FBLN2: variants seen among roughly 807,000 people sequenced by gnomAD.
The protein encoded by FBLN2 is fibulin-2.
A neutral mutation model predicts 123.7 loss-of-function variants in FBLN2; 81 were observed. That is an observed-to-expected ratio of 0.65 (90% CI 0.55 to 0.79). FBLN2 has a LOEUF of 0.79. Ranked by LOEUF, FBLN2 falls within the 30% of genes least tolerant of loss-of-function variation. The pLI is 0.00. For missense variants in FBLN2, 1,603 were observed against 1,681.3 expected (o/e 0.95, Z 0.81); for synonymous variants, 699 against 701.4 (o/e 1.00, Z 0.05).
chr3:13,617,488 G>A (rs570432499), intron 5 of FBLN2, among the ~76,000 whole-genome samples: 73 of 131,838 alleles, frequency 5.5e-4, no homozygotes, highest in African/African-American at 1.1e-3. Flanking sequence ...TCATTCATCC[G>A]TCTACCCATG....
In FBLN2 at chr3:13,629,160, A is replaced by G. The variant is rs779594797; in HGVS notation, c.2714-4A>G. 6.2e-7 allele frequency: 1 copy of G among 1,612,776 alleles called. No individual in the cohort carries two copies. Among genetic ancestry groups the G allele is most frequent in the Non-Finnish European group, 8.5e-7 (1 of 1,179,534 alleles). On this transcript the variant is annotated splice_region_variant and splice_polypyrimidine_tract_variant and intron_variant, in intron 12 of 17. Transcript: ENST00000404922. ...CCTCAAGGTACCCTGCTCACCCCCCACAGACGTGAATGAGTGTGAGACAGG... is the reference window on the plus strand; with the variant it reads ...CCTCAAGGTACCCTGCTCACCCCCCGCAGACGTGAATGAGTGTGAGACAGG...
chr3:13,604,986 T>A (rs1482031725), intron 2 of FBLN2, among the ~76,000 whole-genome samples: 1 of 152,184 alleles, frequency 6.6e-6, no homozygotes, highest in Admixed American at 6.5e-5. Context: ...TTAGAGGGCT[T>A]TGTGGGCCTT....
chr3:13,587,329 A>G (rs1405047126), intron 2 of FBLN2, among the ~76,000 whole-genome samples: 2 of 152,122 alleles, frequency 1.3e-5, no homozygotes, highest in Non-Finnish European at 2.9e-5. Context: ...AGCTAAGAGG[A>G]ATTTATTATT....
intron 1 of FBLN2, among the ~76,000 whole-genome samples, chr3:13,551,835 C>T (rs957865010): frequency 1.5e-4 from 20 of 134,770 alleles, no homozygotes; most frequent in African/African-American, 5.1e-4. Context: ...CCACCGTGCC[C>T]GGCCCCTCCT....
In FBLN2 at chr3:13,549,127, A is replaced by G. The variant is rs1312450996; in HGVS notation, c.-123A>G. The G allele has an allele frequency of 1.1e-5, 11 of 982,244 alleles. No homozygotes were observed. Among genetic ancestry groups the G allele is most frequent in the African/African-American group, 1.8e-5 (1 of 56,784 alleles). 60.8% of individuals were successfully genotyped at this position (982,244 alleles called of 1,614,324 possible). ...CGCGCCTCCGCCCCGCCCCGCGCGC[A>G]CACAGCCAGGGGCCGCCCGGGCTCT... On this transcript the variant is annotated 5_prime_UTR_variant, in exon 1 of 18. Coordinates refer to ENST00000404922, the MANE Select transcript of FBLN2 (RefSeq NM_001004019.2).
At chr3:13,593,626 A>T (rs1393025082) in intron 2 of FBLN2, among the ~76,000 whole-genome samples, 1 of 149,578 alleles carries the variant, frequency 6.7e-6, no homozygotes, top group East Asian at 2.0e-4. Context: ...AGGCGGGAGA[A>T]TTGCTTGAAC....
chr3:13,584,850 C>T (rs936087771), intron 2 of FBLN2, among the ~76,000 whole-genome samples: 17 of 152,174 alleles, frequency 1.1e-4, no homozygotes, highest in Non-Finnish European at 1.9e-4. Flanking sequence ...CATGCTCACA[C>T]GGGAGGAGTT....
At chr3:13,594,787 C>T (rs1032640680) in intron 2 of FBLN2, among the ~76,000 whole-genome samples, 1 of 152,186 alleles carries the variant, frequency 6.6e-6, no homozygotes, top group Non-Finnish European at 1.5e-5. Context: ...CCCGGGCTCC[C>T]AGGTCCAGAC....
intron 17 of FBLN2, among the ~76,000 whole-genome samples, chr3:13,637,336 A>G (rs1485686751): frequency 6.6e-6 from 1 of 152,232 alleles, no homozygotes; most frequent in African/African-American, 2.4e-5. Flanking sequence ...GGCCAGTGCC[A>G]TGCTAAACTC....
rs1042470157 is a variant in FBLN2, at chr3:13,575,874, C to T, written c.1306+4213C>T. ...CCCACCACCTCCCACCACCAGGTCCCGCCTGTGACCTGGTGCTGCTAGCCA... is the reference window on the plus strand; with the variant it reads ...CCCACCACCTCCCACCACCAGGTCCTGCCTGTGACCTGGTGCTGCTAGCCA... On this transcript the variant is annotated intron_variant, in intron 2 of 17. Coordinates refer to ENST00000404922, the MANE Select transcript of FBLN2 (RefSeq NM_001004019.2). Among the ~76,000 whole-genome samples, 11 of 152,224 alleles carry T rather than the reference C, an allele frequency of 7.2e-5. No homozygotes were observed. The East Asian group carries it at 9.6e-4, about 13-fold the overall frequency.
At chr3:13,620,985 G>A (rs114813127) in intron 8 of FBLN2, among the ~76,000 whole-genome samples, 139 of 152,324 alleles carry the variant, frequency 9.1e-4, no homozygotes, top group African/African-American at 2.8e-3. Flanking sequence ...TCTGGGCCCC[G>A]CCCCCCATCT....
chr3:13,626,310 C>T, intron 9 of FBLN2, 135 bp from the exon 10 acceptor site: 1 of 849,792 alleles, frequency 1.2e-6, no homozygotes, highest in Non-Finnish European at 1.7e-6. Flanking sequence ...AGACATCAGC[C>T]ACATCTCCGA....
intron 4 of FBLN2, among the ~76,000 whole-genome samples, chr3:13,611,166 C>T (rs1368695086): frequency 6.6e-6 from 1 of 152,084 alleles, no homozygotes; most frequent in Non-Finnish European, 1.5e-5. Flanking sequence ...AGGTTGGTCT[C>T]GAACTCCTGA....
At chr3:13,636,730 C>G (rs1706486278) in intron 17 of FBLN2, among the ~76,000 whole-genome samples, 162 bp downstream of exon 17, 1 of 152,172 alleles carries the variant, frequency 6.6e-6, no homozygotes, top group South Asian at 2.1e-4. Flanking sequence ...ATATAAGTAG[C>G]TTTTAGAGAG....
At chr3:13,618,442 G>A (rs1705712131) in intron 6 of FBLN2, among the ~76,000 whole-genome samples, 157 bp downstream of exon 6, 1 of 152,220 alleles carries the variant, frequency 6.6e-6, no homozygotes, top group Non-Finnish European at 1.5e-5. Flanking sequence ...TGGGGGATTT[G>A]TGAGGCAGGA....
chr3:13,594,336 C>T (rs996153256), intron 2 of FBLN2, among the ~76,000 whole-genome samples: 2 of 152,050 alleles, frequency 1.3e-5, no homozygotes, highest in African/African-American at 4.8e-5. Context: ...CTATGATGGG[C>T]TTCTCTCTGG....
chr3:13,595,476 T>TA (rs569692084), intron 2 of FBLN2, among the ~76,000 whole-genome samples: 20 of 151,380 alleles, frequency 1.3e-4, no homozygotes, highest in Middle Eastern at 3.5e-3. Flanking sequence ...ACAGTCCTCA[T>TA]AAAAAAAAAC....
chr3:13,560,820 CTCTG>C (rs1389202212), intron 1 of FBLN2, among the ~76,000 whole-genome samples: 2 of 152,028 alleles, frequency 1.3e-5, no homozygotes, highest in Admixed American at 6.6e-5. Flanking sequence ...CTCTTTCTCT[CTCTG>C]TCTTTTAGAT....
At chr3:13,608,036 A>G (rs756920464) in intron 2 of FBLN2, 26 bp from the exon 3 acceptor site, 2 of 1,543,826 alleles carry the variant, frequency 1.3e-6, no homozygotes, top group Non-Finnish European at 1.8e-6. Flanking sequence ...ATGAATGGTG[A>G]CTCTGCCTCA....
Sources: gnomAD v4.1 joint callset for allele counts (sites outside exome capture counted in the v4.1 genomes callset) on GRCh38, gnomAD v4.1.1 for gene constraint, MANE v1.5 for transcripts, NCBI Gene and HGNC (gene_info 2026-07-23, HGNC 2026-07-21) for gene names.